Variants in PROS1 observed in about 807,000 individuals in gnomAD.
The protein encoded by PROS1 is protein S, also known as vitamin K-dependent protein S.
A neutral mutation model predicts 75.9 loss-of-function variants in PROS1; 29 were observed. That is an observed-to-expected ratio of 0.38 (90% CI 0.28 to 0.52). The LOEUF (loss-of-function observed/expected upper bound fraction) is 0.52, where lower values mean the gene tolerates loss of function less well. Among genes scored for constraint, PROS1 ranks in the 20% least tolerant of loss-of-function variants. The pLI, the probability that PROS1 is intolerant of heterozygous loss-of-function variation, is 0.83. For missense variants in PROS1, 680 were observed against 810.3 expected, an observed-to-expected ratio of 0.84 and a Z score of 1.95; for synonymous variants, 245 against 280.6, an observed-to-expected ratio of 0.87 and a Z score of 1.27.
intron 10 of PROS1, among the ~76,000 whole-genome samples, chr3:93,888,936 G>C (rs891727478): frequency 2.0e-5 from 3 of 152,052 alleles, no homozygotes; most frequent in African/African-American, 7.2e-5. Context: ...GGCCCTAGAT[G>C]ATCTTATTCT....
At chr3:93,917,783 G>A (rs1316099893) in intron 3 of PROS1, among the ~76,000 whole-genome samples, 2 of 152,154 alleles carry the variant, frequency 1.3e-5, no homozygotes, top group African/African-American at 4.8e-5. Flanking sequence ...GCCCACTGGC[G>A]CTGCGCTTGA....
At chr3:93,906,375 G>A (rs745784576) in intron 4 of PROS1, among the ~76,000 whole-genome samples, 18 of 152,326 alleles carry the variant, frequency 1.2e-4, no homozygotes, top group Non-Finnish European at 2.5e-4. Context: ...TAGAGTGGCC[G>A]CTGCCAAGAC....
intron 1 of PROS1, among the ~76,000 whole-genome samples, chr3:93,951,600 A>T (rs1445991896): frequency 6.6e-6 from 1 of 152,244 alleles, no homozygotes; most frequent in African/African-American, 2.4e-5. Context: ...GGGAAGCATT[A>T]CACATGGAAA....
chr3:93,944,689 C>T (rs558406184), intron 1 of PROS1, among the ~76,000 whole-genome samples: 1 of 152,068 alleles, frequency 6.6e-6, no homozygotes, highest in Non-Finnish European at 1.5e-5. Context: ...CACTAAATGC[C>T]CACAAGAGAA....
At chr3:93,951,663 G>A (rs532337044) in intron 1 of PROS1, among the ~76,000 whole-genome samples, 90 of 152,164 alleles carry the variant, frequency 5.9e-4, no homozygotes, top group African/African-American at 1.8e-3. Context: ...AAACACCATC[G>A]ATGCTAGGAA....
chr3:93,904,846 A>G (rs568538790), intron 6 of PROS1, among the ~76,000 whole-genome samples: 2 of 152,340 alleles, frequency 1.3e-5, no homozygotes, highest in East Asian at 3.9e-4. Context: ...TAGGAAAACA[A>G]TGAAAAACAA....
intron 1 of PROS1, among the ~76,000 whole-genome samples, chr3:93,940,990 A>G (rs914806987): frequency 1.4e-4 from 22 of 151,810 alleles, no homozygotes. Context: ...TCCACAACTC[A>G]CTATTCCATT....
chr3:93,950,829 G>A (rs1280725671), intron 1 of PROS1, among the ~76,000 whole-genome samples: 1 of 152,160 alleles, frequency 6.6e-6, no homozygotes, highest in Non-Finnish European at 1.5e-5. Context: ...AAAGCTGGAT[G>A]GACAATGACT....
In PROS1 at chr3:93,873,967, A is replaced by C; in HGVS notation, c.*278T>G. The C allele has an allele frequency of 2.8e-6, 1 of 358,584 alleles. No individual in the cohort carries two copies. Among genetic ancestry groups the C allele is most frequent in the Non-Finnish European group, 5.1e-6 (1 of 195,304 alleles). 22.2% of individuals were successfully genotyped at this position (358,584 alleles called of 1,614,324 possible). On this transcript the variant is annotated 3_prime_UTR_variant, in exon 15 of 15. Transcript: ENST00000394236. Reference sequence around the variant, plus strand: ...GATGATAAAATTAAAATTTAGTTTTACAAACAAAAATTGAAACTGTCATTT... The same window carrying C: ...GATGATAAAATTAAAATTTAGTTTTCCAAACAAAAATTGAAACTGTCATTT...
intron 12 of PROS1, among the ~76,000 whole-genome samples, chr3:93,883,427 T>C (rs1708300906): frequency 1.3e-5 from 2 of 150,038 alleles, no homozygotes; most frequent in South Asian, 4.2e-4. Context: ...TGGCAAAACC[T>C]CGTCAAAAAT....
chr3:93,950,128 TG>T (rs1250105515), intron 1 of PROS1, among the ~76,000 whole-genome samples: 1 of 152,058 alleles, frequency 6.6e-6, no homozygotes, highest in Non-Finnish European at 1.5e-5. Context: ...GAAGCAAGGC[TG>T]GGGGGAAGCG....
intron 1 of PROS1, among the ~76,000 whole-genome samples, chr3:93,952,180 G>A (rs565676558): frequency 1.4e-4 from 22 of 152,110 alleles, no homozygotes; most frequent in Non-Finnish European, 2.9e-4. Flanking sequence ...GAGACAAAAA[G>A]TTAACAAGGA....
At chr3:93,959,660 G>A (rs1709670794) in intron 1 of PROS1, among the ~76,000 whole-genome samples, 2 of 152,154 alleles carry the variant, frequency 1.3e-5, no homozygotes, top group Non-Finnish European at 2.9e-5. Flanking sequence ...TCCAGGGTAG[G>A]GCCAGATATA....
chr3:93,926,390 A>T (rs1163003065), intron 2 of PROS1, among the ~76,000 whole-genome samples: 1 of 152,168 alleles, frequency 6.6e-6, no homozygotes, highest in Non-Finnish European at 1.5e-5. Context: ...TCAGCACTTT[A>T]GGAGGCCAAG....
chr3:93,970,345 A>C (rs1709857845), intron 1 of PROS1, among the ~76,000 whole-genome samples: 1 of 152,012 alleles, frequency 6.6e-6, no homozygotes, highest in African/African-American at 2.4e-5. Context: ...TTTTATTTTT[A>C]TTATTTTTGG....
chr3:93,957,243 T>G (rs1395336529), intron 1 of PROS1, among the ~76,000 whole-genome samples: 2 of 152,114 alleles, frequency 1.3e-5, no homozygotes, highest in African/African-American at 2.4e-5. Context: ...GTTACAAAAA[T>G]TATATAGAGC....
chr3:93,927,531 G>A, intron 1 of PROS1, 124 bp from the exon 2 acceptor site: 4 of 1,163,542 alleles, frequency 3.4e-6, no homozygotes, highest in South Asian at 1.6e-5. Flanking sequence ...AAATCAGTAT[G>A]ATCGAACTAA....
intron 10 of PROS1, among the ~76,000 whole-genome samples, chr3:93,892,076 T>C (rs1358130718): frequency 6.6e-6 from 1 of 152,182 alleles, no homozygotes. Flanking sequence ...ACTCTTGTAA[T>C]CCCAGCACTT....
rs375030637 is a variant in PROS1, at chr3:93,927,498, G to T, written c.77-91C>A. The stretch of plus-strand genomic sequence containing the variant: ...ACAATAAGAGTTAAAATCATTTTCT[G>T]CCTATGAATTGTATGACATTTAAAA... On this transcript the variant is annotated intron_variant, in intron 1 of 14. Coordinates refer to ENST00000394236, the MANE Select transcript of PROS1 (RefSeq NM_000313.4). The T allele has an allele frequency of 8.1e-6, 11 of 1,366,222 alleles. No homozygotes were observed. In the East Asian group the frequency reaches 2.8e-4, roughly 34 times the overall value. The allele number at this position is 1,366,222 out of a possible 1,614,324, so 84.6% of individuals were successfully genotyped here.
Sources: gnomAD v4.1 joint callset for allele counts (sites outside exome capture counted in the v4.1 genomes callset) on GRCh38, gnomAD v4.1.1 for gene constraint, MANE v1.5 for transcripts, NCBI Gene and HGNC (gene_info 2026-07-23, HGNC 2026-07-21) for gene names.